The following KCNU1 variants were observed in gnomAD, a reference collection of about 807,000 sequenced individuals.
The protein encoded by KCNU1 is potassium calcium-activated channel subfamily U member 1.
KCNU1 carries 93 observed loss-of-function variants against 126.8 expected under a neutral mutation model. The observed-to-expected ratio is 0.73, with a 90% CI of 0.62 to 0.87. The LOEUF (loss-of-function observed/expected upper bound fraction) is 0.87. Among genes scored for constraint, KCNU1 ranks in the 40% least tolerant of loss-of-function variants. KCNU1 has a pLI of 0.00. For synonymous variants in KCNU1, 523 were observed against 494.2 expected (o/e 1.06, Z -0.77); for missense variants, 1,330 against 1,367.1 (o/e 0.97, Z 0.43).
Position 36,784,582 on chromosome 8 carries a change from A to T in KCNU1, c.172A>T (p.Ile58Phe). The change falls in exon 1 of 27, where the codon ATC (isoleucine) becomes TTC (phenylalanine). Residue 58 changes from isoleucine (I) to phenylalanine (F), a missense_variant. Ile to Phe is a conservative substitution (Grantham distance 21). Transcript: ENST00000399881. Reference sequence around the variant, plus strand: ...GAGATCTGTTAAAAAATGGCAAATCATCAAGGGAACAGGAATTATCTTGGT... The same window carrying T: ...GAGATCTGTTAAAAAATGGCAAATCTTCAAGGGAACAGGAATTATCTTGGT... ...IWRSVKKWQI[I>F]KGTGIILELF... 1 of 1,613,226 alleles carries T rather than the reference A, an allele frequency of 6.2e-7. No homozygotes were observed. Among genetic ancestry groups the T allele is most frequent in the Non-Finnish European group, 8.5e-7 (1 of 1,179,506 alleles).
At chr8:36,929,165 T>C (rs1808621733) in intron 24 of KCNU1, 1 of 547,598 alleles carries the variant, frequency 1.8e-6, no homozygotes, top group Admixed American at 3.3e-5. Flanking sequence ...GTGGATCTCT[T>C]GAGGTCAGGA....
rs577048415 is a variant in KCNU1, at chr8:36,905,009, C to T, written c.2010-699C>T. ...TTTGACAAGGGTTTTCTTATTCTCT[C>T]ACAAGCAAATATGCATTCCTTAGGA... is the stretch of plus-strand genomic sequence containing the variant. On this transcript the variant is annotated intron_variant, in intron 19 of 26. Coordinates refer to ENST00000399881, the MANE Select transcript of KCNU1 (RefSeq NM_001031836.3). Among the ~76,000 whole-genome samples the T allele has an allele frequency of 1.3e-4, 20 of 152,234 alleles. 1 individual carries two copies. In the South Asian group the frequency reaches 3.9e-3, roughly 30 times the overall value.
chr8:36,849,819 T>C (rs1288119348), intron 18 of KCNU1, among the ~76,000 whole-genome samples: 1 of 152,166 alleles, frequency 6.6e-6, no homozygotes, highest in Non-Finnish European at 1.5e-5. Flanking sequence ...GTTCCTGCTT[T>C]CCATTTTTTT....
intron 3 of KCNU1, among the ~76,000 whole-genome samples, chr8:36,804,935 G>A (rs1803442014): frequency 6.6e-6 from 1 of 152,080 alleles, no homozygotes; most frequent in Non-Finnish European, 1.5e-5. Flanking sequence ...TTGTTAAAAT[G>A]GAAATAGAAC....
intron 7 of KCNU1, among the ~76,000 whole-genome samples, chr8:36,811,040 G>A (rs545569869): frequency 6.6e-6 from 1 of 152,044 alleles, no homozygotes; most frequent in African/African-American, 2.4e-5. Context: ...CCAAATTAGA[G>A]GGAAGCAAAA....
At chr8:36,849,512 C>G (rs1039131439) in intron 18 of KCNU1, among the ~76,000 whole-genome samples, 7 of 152,144 alleles carry the variant, frequency 4.6e-5, no homozygotes, top group African/African-American at 1.2e-4. Flanking sequence ...TCTCTTGAAC[C>G]CAGGAGGTGC....
intron 19 of KCNU1, among the ~76,000 whole-genome samples, chr8:36,894,049 G>A (rs1048249288): frequency 5.3e-5 from 8 of 151,894 alleles, no homozygotes; most frequent in Admixed American, 2.6e-4. Flanking sequence ...AAAAATTTTC[G>A]ATTAACAAAT....
chr8:36,870,286 C>T (rs1345531866), intron 19 of KCNU1, among the ~76,000 whole-genome samples: 2 of 152,150 alleles, frequency 1.3e-5, no homozygotes, highest in Non-Finnish European at 2.9e-5. Context: ...TTGTTTGTTT[C>T]TTTTCTGGCA....
At chr8:36,872,290 C>T (rs773464305) in intron 19 of KCNU1, among the ~76,000 whole-genome samples, 1 of 152,096 alleles carries the variant, frequency 6.6e-6, no homozygotes, top group Non-Finnish European at 1.5e-5. Flanking sequence ...CAGGTGTCAA[C>T]GTATAGGGGA....
At chr8:36,918,954 A>T in intron 23 of KCNU1, 57 bp downstream of exon 23, 1 of 1,094,350 alleles carries the variant, frequency 9.1e-7, no homozygotes, top group Non-Finnish European at 1.4e-6. Flanking sequence ...TATATAATTT[A>T]TGTTCCAAGG....
At chr8:36,905,927 A>G (rs1332216424) in intron 20 of KCNU1, 123 bp downstream of exon 20, 3 of 565,848 alleles carry the variant, frequency 5.3e-6, no homozygotes, top group African/African-American at 3.9e-5. Context: ...TCAAAAAAAG[A>G]AAAAAACCCA....
intron 19 of KCNU1, among the ~76,000 whole-genome samples, chr8:36,885,253 A>G (rs1006215486): frequency 1.3e-5 from 2 of 152,120 alleles, no homozygotes; most frequent in Non-Finnish European, 2.9e-5. Context: ...AAAAGTAACC[A>G]TTGTGAAATA....
Position 36,807,449 on chromosome 8 carries a change from A to G in KCNU1, c.655A>G (p.Ser219Gly), listed in dbSNP as rs1803545274. The change falls in exon 6 of 27, where the codon AGT (serine) becomes GGT (glycine). Residue 219 changes from serine to glycine, a missense_variant and splice_region_variant. Physicochemically the swap from Ser to Gly is moderately conservative, Grantham distance 56. Coordinates refer to ENST00000399881, the MANE Select transcript of KCNU1 (RefSeq NM_001031836.3). The stretch of plus-strand genomic sequence containing the variant: ...GCAAATTCTACGAGCCATCAAGACC[A>G]GGTAAATAGCCCTGACCGAAGTACT... ...ILQILRAIKTSNSVKFSKLLS... is the reference protein window; with the variant it reads ...ILQILRAIKTGNSVKFSKLLS... 6.2e-7 allele frequency: 1 copy of G among 1,609,360 alleles called. No individual in the cohort carries two copies. The highest frequency in any genetic ancestry group is 8.5e-7 in the Non-Finnish European group (1 of 1,175,766).
rs1805833321 is a variant in KCNU1, at chr8:36,864,445, T to A, written c.1933T>A (p.Ser645Thr). The change falls in exon 19 of 27, where the codon TCC (serine) becomes ACC (threonine). Residue 645 changes from serine to threonine, a missense_variant. Transcript: ENST00000399881. ...AATGAAAAAATGTCTGAAGGGAATC[T>A]CCTCTCGTATATCAGGGCAGGATTC... is the stretch of plus-strand genomic sequence containing the variant. ...KRMKKCLKGI[S>T]SRISGQDSPP... The A allele has an allele frequency of 2.5e-6, 4 of 1,612,600 alleles. No individual in the cohort carries two copies. The highest frequency in any genetic ancestry group is 3.4e-6 in the Non-Finnish European group (4 of 1,178,902).
At chr8:36,822,610 C>T (rs1380863029) in intron 10 of KCNU1, among the ~76,000 whole-genome samples, 1 of 152,112 alleles carries the variant, frequency 6.6e-6, no homozygotes, top group Non-Finnish European at 1.5e-5. Context: ...TAACATATTA[C>T]TCTATGAAAT....
intron 20 of KCNU1, among the ~76,000 whole-genome samples, 161 bp downstream of exon 20, chr8:36,905,965 T>C (rs568300348): frequency 6.6e-6 from 1 of 152,278 alleles, no homozygotes; most frequent in East Asian, 1.9e-4. Flanking sequence ...AAGAATAATA[T>C]GCAAAGTAAC....
At chr8:36,856,648 T>C (rs1311803543) in intron 18 of KCNU1, among the ~76,000 whole-genome samples, 2 of 152,114 alleles carry the variant, frequency 1.3e-5, no homozygotes, top group African/African-American at 2.4e-5. Context: ...CTTCTGTTAG[T>C]ATCACACCCA....
intron 19 of KCNU1, 105 bp from the exon 20 acceptor site, chr8:36,905,603 C>T: frequency 2.7e-6 from 2 of 737,728 alleles, no homozygotes; most frequent in Non-Finnish European, 5.0e-6. Flanking sequence ...TCTACTTATG[C>T]TATTCTCCTC....
intron 19 of KCNU1, among the ~76,000 whole-genome samples, chr8:36,876,785 A>T (rs1194242992): frequency 1.3e-5 from 2 of 152,146 alleles, no homozygotes; most frequent in African/African-American, 4.8e-5. Context: ...GTGTGTATGT[A>T]GGTATGGATA....
Sources: gnomAD v4.1 joint callset for allele counts (sites outside exome capture counted in the v4.1 genomes callset) on GRCh38, gnomAD v4.1.1 for gene constraint, MANE v1.5 for transcripts, NCBI Gene and HGNC (gene_info 2026-07-23, HGNC 2026-07-21) for gene names.